The following MARK2 variants were observed in gnomAD, a reference collection of about 807,000 sequenced individuals.
MARK2 encodes microtubule affinity regulating kinase 2.
MARK2 carries 16 observed loss-of-function variants against 89.8 expected under a neutral mutation model. That is an observed-to-expected ratio of 0.18 (90% CI 0.12 to 0.27). The LOEUF is 0.27. MARK2 is among the 10% of genes least tolerant of loss of function. The probability of loss-of-function intolerance (pLI) is 1.00; values close to 1 mark genes in which losing one functional copy is unlikely to be tolerated. For missense variants in MARK2, 621 were observed against 1,049.9 expected (o/e 0.59, Z 5.65); for synonymous variants, 382 against 399.5 (o/e 0.96, Z 0.52).
chr11:63,870,359 C>G (rs148329716), intron 1 of MARK2, among the ~76,000 whole-genome samples: 4 of 152,098 alleles, frequency 2.6e-5, no homozygotes, highest in African/African-American at 9.7e-5. Context: ...AGACATGAGC[C>G]GTGGCGCCCG....
intron 1 of MARK2, among the ~76,000 whole-genome samples, chr11:63,852,099 TAC>T (rs1712936601): frequency 6.6e-6 from 1 of 152,266 alleles, no homozygotes; most frequent in South Asian, 2.1e-4. Context: ...CTCACCAGTA[TAC>T]AGTGGCATTT....
chr11:63,871,648 T>A (rs756579048), intron 1 of MARK2, among the ~76,000 whole-genome samples: 397 of 129,272 alleles, frequency 3.1e-3, no homozygotes, highest in Non-Finnish European at 5.2e-3. Context: ...GAGTATTCAC[T>A]GTGTGCAGGT....
chr11:63,843,623 A>ATC (rs1357960441), intron 1 of MARK2, among the ~76,000 whole-genome samples: 1 of 151,922 alleles, frequency 6.6e-6, no homozygotes, highest in Non-Finnish European at 1.5e-5. Context: ...ATATATATAT[A>ATC]TAAAACTCTT....
chr11:63,894,724 G>A (rs1174840480), intron 1 of MARK2, among the ~76,000 whole-genome samples: 2 of 152,080 alleles, frequency 1.3e-5, no homozygotes, highest in Non-Finnish European at 2.9e-5. Context: ...AAAAATAAAG[G>A]TTCATGTAAG....
In MARK2 at chr11:63,904,026, T is replaced by G; in HGVS notation, c.1555T>G (p.Ser519Ala). 2 of 1,607,958 alleles carry G rather than the reference T, an allele frequency of 1.2e-6. No individual in the cohort carries two copies. Among genetic ancestry groups the G allele is most frequent in the Non-Finnish European group, 8.5e-7 (1 of 1,179,238 alleles). The change falls in exon 15 of 19, where the codon TCT becomes GCT. Residue 519 changes from serine to alanine, a missense_variant. Coordinates refer to ENST00000402010, the MANE Select transcript of MARK2 (RefSeq NM_001039469.3). The surrounding 1 kb of genome is among the most constrained non-coding windows in gnomAD (Gnocchi z 6.3). The part of the protein sequence containing the change: ...PGSRASTASA[S>A]AAVSAARPRQ... The stretch of plus-strand genomic sequence containing the variant: ...GTCCCGGGCCTCCACGGCTTCTGCT[T>G]CTGCCGCAGTCTCTGCGGCCCGGCC...
At position 63,895,151 on chromosome 11, in the gene MARK2, C is replaced by A; in HGVS notation, c.55-8C>A. 6.2e-7 allele frequency: 1 copy of A among 1,609,788 alleles called. No homozygotes were observed. The highest frequency in any genetic ancestry group is 2.2e-5 in the East Asian group (1 of 44,794). On this transcript the variant is annotated splice_polypyrimidine_tract_variant and splice_region_variant and intron_variant, in intron 1 of 18. Coordinates refer to ENST00000402010, the MANE Select transcript of MARK2 (RefSeq NM_001039469.3). Reference sequence around the variant, plus strand: ...GCATGTAATGGTATCTCTGTTTCCACCCCGCAGCCCACCTTGGGACACCTT... The same window carrying A: ...GCATGTAATGGTATCTCTGTTTCCAACCCGCAGCCCACCTTGGGACACCTT...
At chr11:63,888,751 C>T (rs907243272) in intron 1 of MARK2, 38 of 1,210,826 alleles carry the variant, frequency 3.1e-5, no homozygotes, top group Non-Finnish European at 3.6e-5. Flanking sequence ...AGGCAGGAAC[C>T]GCTCGGCCTG....
intron 1 of MARK2, among the ~76,000 whole-genome samples, chr11:63,839,887 A>G (rs1027616061): frequency 2.6e-5 from 4 of 151,112 alleles, no homozygotes; most frequent in African/African-American, 9.8e-5. Context: ...TCCTCCACCC[A>G]CGCTTAAAGC....
intron 1 of MARK2, among the ~76,000 whole-genome samples, chr11:63,873,588 C>A (rs1328608024): frequency 1.3e-5 from 2 of 152,176 alleles, no homozygotes; most frequent in Non-Finnish European, 2.9e-5. Context: ...ACTTGAGAGC[C>A]TGAGGCAGAG....
intron 1 of MARK2, among the ~76,000 whole-genome samples, chr11:63,878,165 T>G (rs1938879606): frequency 6.6e-6 from 1 of 152,154 alleles, no homozygotes; most frequent in African/African-American, 2.4e-5. Context: ...AGGTTGTCTT[T>G]TCTCCTCTAG....
At chr11:63,872,533 C>T (rs957857986) in intron 1 of MARK2, among the ~76,000 whole-genome samples, 51 of 152,234 alleles carry the variant, frequency 3.4e-4, no homozygotes, top group Non-Finnish European at 3.7e-4. Context: ...GTTTTGTTTC[C>T]ATGCTTGTCC....
intron 1 of MARK2, chr11:63,889,075 A>T (rs1590640555): frequency 4.0e-6 from 3 of 740,888 alleles, no homozygotes; most frequent in East Asian, 6.1e-5. Context: ...TGAGTCCAGC[A>T]TAGTAATATT....
Position 63,904,271 on chromosome 11 carries a change from G to A in MARK2, c.1676+124G>A. The stretch of plus-strand genomic sequence containing the variant: ...TCTTGTCATCTTAGCCACAAGAAAT[G>A]GGTCTGTCCCCTGCGGCCAGGAAGT... On this transcript the variant is annotated intron_variant, in intron 15 of 18. Coordinates refer to ENST00000402010, the MANE Select transcript of MARK2 (RefSeq NM_001039469.3). This position sits in a 1 kb window ranked among gnomAD's most constrained non-coding sequence, Gnocchi z 6.3. 1.2e-6 allele frequency: 1 copy of A among 845,664 alleles called. No homozygotes were observed. The highest frequency in any genetic ancestry group is 1.7e-5 in the African/African-American group (1 of 57,996). The allele number at this position is 845,664 out of a possible 1,614,324, so 52.4% of individuals were successfully genotyped here.
chr11:63,861,827 C>T (rs1401511325), intron 1 of MARK2, among the ~76,000 whole-genome samples: 16 of 151,462 alleles, frequency 1.1e-4, no homozygotes, highest in African/African-American at 4.8e-5. Context: ...CTGCAACCTC[C>T]GCCTCCCGGG....
chr11:63,839,550 A>C lies in MARK2; in HGVS notation c.44A>C (p.Asp15Ala). 1 of 1,534,062 alleles carries C rather than the reference A, an allele frequency of 6.5e-7. No individual in the cohort carries two copies. The highest frequency in any genetic ancestry group is 8.8e-7 in the Non-Finnish European group (1 of 1,139,536). Residue 15 changes from aspartate to alanine, a missense_variant, in exon 1 of 19, where the codon GAC (aspartate) becomes GCC (alanine). Asp to Ala is a moderately radical substitution (Grantham distance 126). Transcript: ENST00000402010. ...RTPLPTLNER[D>A]TEQPTLGHLD... The stretch of plus-strand genomic sequence containing the variant: ...CCCCTACCCACGCTGAACGAGAGGG[A>C]CACGGAGCAGGTAAGGAGCCCCGAG...
chr11:63,878,115 G>A (rs1182166671), intron 1 of MARK2, among the ~76,000 whole-genome samples: 2 of 152,218 alleles, frequency 1.3e-5, no homozygotes, highest in Non-Finnish European at 2.9e-5. Context: ...GAAGACAGTT[G>A]TAAAGAGCAT....
intron 1 of MARK2, chr11:63,869,436 G>A (rs1400036410): frequency 6.4e-6 from 1 of 156,210 alleles, no homozygotes; most frequent in African/African-American, 2.4e-5. Flanking sequence ...CCTAGTCCGG[G>A]CTGCTCAAAC....
At chr11:63,886,549 G>A (rs533299804) in intron 1 of MARK2, among the ~76,000 whole-genome samples, 2 of 151,996 alleles carry the variant, frequency 1.3e-5, no homozygotes, top group Non-Finnish European at 2.9e-5. Context: ...CTCAGCCTCC[G>A]AGTAGCTGGG....
intron 1 of MARK2, chr11:63,889,088 T>A: frequency 3.2e-6 from 2 of 630,408 alleles, no homozygotes; most frequent in Non-Finnish European, 5.1e-6. Context: ...GTAATATTCA[T>A]GGGAAGGGTG....
Sources: gnomAD v4.1 joint callset for allele counts (sites outside exome capture counted in the v4.1 genomes callset) on GRCh38, gnomAD v4.1.1 for gene constraint, Gnocchi (gnomAD v3.1) non-coding constraint, MANE v1.5 for transcripts, NCBI Gene and HGNC (gene_info 2026-07-23, HGNC 2026-07-21) for gene names.